MYT1L: variants seen among roughly 807,000 people sequenced by gnomAD.
MYT1L encodes myelin transcription factor 1 like.
A neutral mutation model predicts 126.7 loss-of-function variants in MYT1L; 12 were observed. The ratio of observed to expected loss-of-function variants is 0.09; its 90% confidence interval spans 0.06 to 0.15. The LOEUF is 0.15. Ranked by LOEUF, MYT1L falls within the 10% of genes least tolerant of loss-of-function variation. The pLI is 1.00. For synonymous variants in MYT1L, 541 were observed against 604.2 expected (o/e 0.90, Z 1.53); for missense variants, 979 against 1,585.2 (o/e 0.62, Z 6.49).
chr2:1,923,433 A>T (rs1481401935), intron 9 of MYT1L, among the ~76,000 whole-genome samples, 170 bp from the exon 10 acceptor site: 1 of 152,256 alleles, frequency 6.6e-6, no homozygotes, highest in Non-Finnish European at 1.5e-5. Flanking sequence ...TGACATAAAG[A>T]AAACGGATGT....
rs182226853 is a variant in MYT1L, at chr2:1,914,912, C to T, written c.1618+2293G>A. 5.9e-5 allele frequency among the ~76,000 whole-genome samples: 9 copies of T among 152,308 alleles called. No homozygotes were observed. In the South Asian group the frequency reaches 8.3e-4, roughly 14 times the overall value. On this transcript the variant is annotated intron_variant, in intron 11 of 24. Coordinates refer to ENST00000647738, the MANE Select transcript of MYT1L (RefSeq NM_001303052.2). ...CCTTTAGAAAATGCTGTGGGTTCCTCGCCTCTCACACAGGACAGCTGGAGC... is the reference window on the plus strand; with the variant it reads ...CCTTTAGAAAATGCTGTGGGTTCCTTGCCTCTCACACAGGACAGCTGGAGC...
At chr2:2,152,672 A>C (rs1250594535) in intron 3 of MYT1L, among the ~76,000 whole-genome samples, 1 of 152,226 alleles carries the variant, frequency 6.6e-6, no homozygotes, top group African/African-American at 2.4e-5. Flanking sequence ...GTCAAGCTGC[A>C]GCAGAGAGGG....
intron 8 of MYT1L, among the ~76,000 whole-genome samples, chr2:1,957,236 C>T (rs1558536737): frequency 1.3e-5 from 2 of 152,194 alleles, no homozygotes; most frequent in African/African-American, 4.8e-5. Flanking sequence ...ATCTCATCTA[C>T]CATCCATCTA....
chr2:1,873,268 A>G (rs1200160727), intron 18 of MYT1L, among the ~76,000 whole-genome samples: 2 of 152,252 alleles, frequency 1.3e-5, no homozygotes, highest in African/African-American at 2.4e-5. Flanking sequence ...CTCAAATATA[A>G]TAAAATTAAA....
At chr2:1,937,618 C>T (rs1189477259) in intron 9 of MYT1L, among the ~76,000 whole-genome samples, 1 of 151,848 alleles carries the variant, frequency 6.6e-6, no homozygotes, top group Non-Finnish European at 1.5e-5. Context: ...ATGTCCACAG[C>T]CATCAGATCG....
chr2:2,220,947 A>G (rs888661863), intron 2 of MYT1L, among the ~76,000 whole-genome samples: 6 of 152,212 alleles, frequency 3.9e-5, no homozygotes, highest in African/African-American at 1.4e-4. Flanking sequence ...TAAAAGAGAG[A>G]GAGAAAGAAA....
At chr2:2,108,161 T>A (rs140841392) in intron 3 of MYT1L, among the ~76,000 whole-genome samples, 105 of 152,306 alleles carry the variant, frequency 6.9e-4, no homozygotes, top group African/African-American at 2.2e-3. Context: ...ACGCCTCACC[T>A]GAGTGGCCTT....
intron 16 of MYT1L, among the ~76,000 whole-genome samples, chr2:1,888,636 C>CT (rs2048444753): frequency 6.6e-6 from 1 of 152,150 alleles, no homozygotes; most frequent in Admixed American, 6.5e-5. Flanking sequence ...TTTTCAAAGC[C>CT]TAAAGGGCAT....
chr2:2,005,500 A>ATGTG (rs2063181459), intron 4 of MYT1L, among the ~76,000 whole-genome samples: 10 of 133,806 alleles, frequency 7.5e-5, no homozygotes, highest in African/African-American at 1.4e-4. Flanking sequence ...TCCTGCAGGC[A>ATGTG]TTCTTTCCTG....
At chr2:2,058,963 C>G (rs1287128588) in intron 3 of MYT1L, among the ~76,000 whole-genome samples, 1 of 152,168 alleles carries the variant, frequency 6.6e-6, no homozygotes, top group Middle Eastern at 3.2e-3. Flanking sequence ...GGCAACAAAA[C>G]TATAGATCTT....
intron 8 of MYT1L, among the ~76,000 whole-genome samples, chr2:1,971,557 C>T (rs1319476115): frequency 1.3e-5 from 2 of 152,128 alleles, no homozygotes; most frequent in Non-Finnish European, 2.9e-5. Context: ...ATGGTGAAAC[C>T]CCATCTCTAC....
At chr2:1,986,836 C>G (rs767203526) in intron 5 of MYT1L, among the ~76,000 whole-genome samples, 9 of 152,114 alleles carry the variant, frequency 5.9e-5, no homozygotes, top group Admixed American at 3.9e-4. Context: ...AGCTGACACC[C>G]GATGAGCTGG....
intron 18 of MYT1L, among the ~76,000 whole-genome samples, chr2:1,853,875 C>G (rs1203874383): frequency 1.3e-5 from 2 of 152,038 alleles, no homozygotes; most frequent in Non-Finnish European, 2.9e-5. Flanking sequence ...TTTTTACTAC[C>G]TATAAAAGTT....
chr2:2,226,095 C>A (rs1006855121), intron 2 of MYT1L, among the ~76,000 whole-genome samples: 1 of 152,066 alleles, frequency 6.6e-6, no homozygotes, highest in Non-Finnish European at 1.5e-5. Flanking sequence ...TAGATGCATC[C>A]ATGAGCCAGT....
At chr2:2,233,589 A>G (rs2094212205) in intron 2 of MYT1L, among the ~76,000 whole-genome samples, 1 of 152,204 alleles carries the variant, frequency 6.6e-6, no homozygotes, top group South Asian at 2.1e-4. Context: ...GGAAGTGGCC[A>G]TCCAGTGCAC....
intron 3 of MYT1L, among the ~76,000 whole-genome samples, chr2:2,142,776 T>A (rs567137738): frequency 6.6e-6 from 1 of 151,886 alleles, no homozygotes; most frequent in Non-Finnish European, 1.5e-5. Context: ...AACCTCTGCC[T>A]CCTGGGTTCA....
intron 9 of MYT1L, among the ~76,000 whole-genome samples, chr2:1,932,224 A>G (rs1477842695): frequency 6.6e-6 from 1 of 152,214 alleles, no homozygotes; most frequent in African/African-American, 2.4e-5. Context: ...GAAAACGTCT[A>G]TTTAAGATAG....
At chr2:1,913,362 A>T (rs2052337207) in intron 11 of MYT1L, among the ~76,000 whole-genome samples, 2 of 152,088 alleles carry the variant, frequency 1.3e-5, no homozygotes, top group South Asian at 4.1e-4. Context: ...AAGTGAGTCC[A>T]CCTTTGGTTC....
At chr2:2,002,835 T>C (rs1009984888) in intron 4 of MYT1L, among the ~76,000 whole-genome samples, 1 of 152,028 alleles carries the variant, frequency 6.6e-6, no homozygotes, top group Non-Finnish European at 1.5e-5. Flanking sequence ...TTTCAAGAGA[T>C]CTGATGGTTT....
Sources: allele counts gnomAD v4.1 joint callset (sites outside exome capture counted in the v4.1 genomes callset), GRCh38; gene constraint gnomAD v4.1.1; transcripts MANE v1.5; gene names NCBI Gene and HGNC (gene_info 2026-07-23, HGNC 2026-07-21).